ZRANB3: variants seen among roughly 807,000 people sequenced by gnomAD.
The protein encoded by ZRANB3 is zinc finger RANBP2-type containing 3.
ZRANB3 carries 125 observed loss-of-function variants against 133.8 expected under a neutral mutation model. That is an observed-to-expected ratio of 0.93 (90% confidence interval 0.81 to 1.08). The LOEUF (loss-of-function observed/expected upper bound fraction) is 1.08. Ranked by LOEUF, ZRANB3 falls within the 50% of genes least tolerant of loss-of-function variation. The pLI is 0.00. For missense variants in ZRANB3, 1,229 were observed against 1,275.5 expected (o/e 0.96, Z 0.56); for synonymous variants, 387 against 432.7 (o/e 0.89, Z 1.31).
At chr2:135,432,032 C>G (rs576587903) in intron 2 of ZRANB3, among the ~76,000 whole-genome samples, 2 of 152,080 alleles carry the variant, frequency 1.3e-5, no homozygotes, top group African/African-American at 4.8e-5. Flanking sequence ...GGGTGGATCA[C>G]CTGAGGCTGG....
chr2:135,333,519 A>C (rs1684243107), intron 6 of ZRANB3, among the ~76,000 whole-genome samples: 1 of 152,168 alleles, frequency 6.6e-6, no homozygotes, highest in South Asian at 2.1e-4. Context: ...CAATGTGTAT[A>C]CTCTTCCATA....
At chr2:135,257,163 G>A (rs1354249263) in intron 12 of ZRANB3, among the ~76,000 whole-genome samples, 4 of 152,190 alleles carry the variant, frequency 2.6e-5, no homozygotes, top group Non-Finnish European at 5.9e-5. Context: ...CCACTGCTCT[G>A]CCTATAGAGT....
At chr2:135,512,803 T>C (rs920343922) in intron 1 of ZRANB3, among the ~76,000 whole-genome samples, 2 of 151,954 alleles carry the variant, frequency 1.3e-5, no homozygotes, top group African/African-American at 4.8e-5. Context: ...TTAATAAATA[T>C]ACAAGGCAAA....
chr2:135,482,659 T>C (rs1236677922), intron 2 of ZRANB3, among the ~76,000 whole-genome samples: 1 of 152,194 alleles, frequency 6.6e-6, no homozygotes, highest in African/African-American at 2.4e-5. Context: ...CTATGTTGAA[T>C]AGGAATGGTG....
chr2:135,491,513 T>G (rs1246390089), intron 2 of ZRANB3, among the ~76,000 whole-genome samples: 2 of 151,740 alleles, frequency 1.3e-5, no homozygotes, highest in Non-Finnish European at 2.9e-5. Context: ...CCTGGCTAAT[T>G]TTTTGTATTT....
intron 3 of ZRANB3, among the ~76,000 whole-genome samples, chr2:135,372,801 A>AG (rs1397058845): frequency 1.3e-5 from 2 of 151,466 alleles, no homozygotes; most frequent in African/African-American, 4.9e-5. Context: ...AAAAAAAAAA[A>AG]AAAGCCAGGT....
rs1558932382 is a variant in ZRANB3 at position 135,345,571 on chromosome 2, C to A, written c.656G>T (p.Arg219Ile). The A allele has an allele frequency of 1.2e-6, 2 of 1,612,510 alleles. No individual in the cohort carries two copies. The highest frequency in any genetic ancestry group is 8.5e-7 in the Non-Finnish European group (1 of 1,179,216). ...KFGRWTDYAK[R>I]YCNAHIRYFG... ...TTACCTGATGTGTGCATTACAGTAT[C>A]TTTTTGCATAGTCGGTCCATCTTCC... The change falls in exon 6 of 21, where the codon AGA becomes ATA. Residue 219 changes from arginine to isoleucine, a missense_variant. By Grantham distance (97) the Arg-to-Ile change is moderately conservative. Coordinates refer to ENST00000264159, the MANE Select transcript of ZRANB3 (RefSeq NM_032143.4).
intron 1 of ZRANB3, among the ~76,000 whole-genome samples, chr2:135,519,604 T>C (rs1486444256): frequency 6.6e-6 from 1 of 152,202 alleles, no homozygotes; most frequent in Non-Finnish European, 1.5e-5. Context: ...AAAATATCTA[T>C]TTTAAATATT....
At chr2:135,523,419 T>C (rs748058614) in intron 1 of ZRANB3, among the ~76,000 whole-genome samples, 12 of 152,234 alleles carry the variant, frequency 7.9e-5, no homozygotes, top group Non-Finnish European at 1.8e-4. Context: ...TATTCTTCTC[T>C]GTTTCCTTAA....
At chr2:135,512,766 TAGA>T (rs1163270887) in intron 1 of ZRANB3, among the ~76,000 whole-genome samples, 1 of 151,904 alleles carries the variant, frequency 6.6e-6, no homozygotes, top group Admixed American at 6.6e-5. Flanking sequence ...AAAGATTTAT[TAGA>T]AAAATTTAGC....
chr2:135,303,939 T>A (rs993645919), intron 8 of ZRANB3, among the ~76,000 whole-genome samples: 1 of 152,232 alleles, frequency 6.6e-6, no homozygotes, highest in African/African-American at 2.4e-5. Context: ...CAATTTTTAT[T>A]GCCAGTATAC....
At chr2:135,399,515 G>A (rs1017554080) in intron 2 of ZRANB3, among the ~76,000 whole-genome samples, 1 of 151,882 alleles carries the variant, frequency 6.6e-6, no homozygotes, top group African/African-American at 2.4e-5. Context: ...AAACTGGAGG[G>A]TTTTTTTTAC....
chr2:135,237,340 G>A (rs1193724786), intron 12 of ZRANB3, among the ~76,000 whole-genome samples: 15 of 150,930 alleles, frequency 9.9e-5, no homozygotes, highest in East Asian at 3.9e-4. Flanking sequence ...TACACTGTTG[G>A]TGGGACTGTA....
In ZRANB3 at chr2:135,313,505, T is replaced by C. The variant is rs1683101902; in HGVS notation, c.950A>G (p.Gln317Arg). 1 of 1,612,010 alleles carries C rather than the reference T, an allele frequency of 6.2e-7. No individual in the cohort carries two copies. The highest frequency in any genetic ancestry group is 8.5e-7 in the Non-Finnish European group (1 of 1,178,854). Residue 317 changes from glutamine to arginine, a missense_variant, in exon 8 of 21, where the codon CAA (glutamine) becomes CGA (arginine). Gln to Arg is a conservative substitution (Grantham distance 43). Coordinates refer to ENST00000264159, the MANE Select transcript of ZRANB3 (RefSeq NM_032143.4). ...VMGLITRMFKQTAIAKAGAVK... is the reference protein window; with the variant it reads ...VMGLITRMFKRTAIAKAGAVK... ...AAAGAGTACCTTGGCAATAGCAGTT[T>C]GTTTAAACATGCGAGTTATCAACCC...
At position 135,416,070 on chromosome 2, in the gene ZRANB3, T is replaced by C. The variant is rs537124281; in HGVS notation, c.162-25250A>G. Among the ~76,000 whole-genome samples the C allele has an allele frequency of 2.5e-4, 38 of 151,982 alleles. No homozygotes were observed. The East Asian group carries it at 2.7e-3, about 11-fold the overall frequency. On this transcript the variant is annotated intron_variant, in intron 2 of 20. Coordinates refer to ENST00000264159, the MANE Select transcript of ZRANB3 (RefSeq NM_032143.4). ...CACAAGACAGGGATGCCCTCGCTCATCACTCCTATTCAACATAGTGTTGGA... is the reference window on the plus strand; with the variant it reads ...CACAAGACAGGGATGCCCTCGCTCACCACTCCTATTCAACATAGTGTTGGA...
intron 2 of ZRANB3, among the ~76,000 whole-genome samples, chr2:135,430,036 C>T (rs1242380798): frequency 1.3e-5 from 2 of 151,924 alleles, no homozygotes; most frequent in Non-Finnish European, 2.9e-5. Flanking sequence ...GCCAGGCCCA[C>T]GTGGTGTTGC....
At chr2:135,333,283 C>CTTT (rs1365187780) in intron 6 of ZRANB3, among the ~76,000 whole-genome samples, 3 of 151,862 alleles carry the variant, frequency 2.0e-5, no homozygotes, top group African/African-American at 4.8e-5. Context: ...CCTGCCATCC[C>CTTT]CGAAAGTACA....
intron 6 of ZRANB3, among the ~76,000 whole-genome samples, chr2:135,344,448 A>G (rs533848831): frequency 1.3e-5 from 2 of 152,346 alleles, no homozygotes; most frequent in East Asian, 3.9e-4. Flanking sequence ...TTTAAAATGA[A>G]TAACAGGCTG....
chr2:135,276,392 C>G (rs148569107), intron 8 of ZRANB3, among the ~76,000 whole-genome samples: 15 of 151,610 alleles, frequency 9.9e-5, no homozygotes, highest in Middle Eastern at 3.4e-3. Flanking sequence ...ATGAAGACAA[C>G]GGTAGTGAGG....
Sources: allele counts gnomAD v4.1 joint callset (sites outside exome capture counted in the v4.1 genomes callset), GRCh38; gene constraint gnomAD v4.1.1; transcripts MANE v1.5; gene names NCBI Gene and HGNC (gene_info 2026-07-23, HGNC 2026-07-21).